STT3B: variants seen among roughly 807,000 people sequenced by gnomAD.
STT3B encodes the protein dolichyl-diphosphooligosaccharide--protein glycosyltransferase subunit STT3B.
STT3B carries 29 observed loss-of-function variants against 96.8 expected under a neutral mutation model. The observed-to-expected ratio is 0.30, with a 90% CI of 0.22 to 0.41. The LOEUF (loss-of-function observed/expected upper bound fraction) is 0.41, where lower values mean the gene tolerates loss of function less well. Ranked by LOEUF, STT3B falls within the 10% of genes least tolerant of loss-of-function variation. The pLI, the probability that STT3B is intolerant of heterozygous loss-of-function variation, is 1.00. For synonymous variants in STT3B, 367 were observed against 360.0 expected, an observed-to-expected ratio of 1.02 and a Z score of -0.22; for missense variants, 640 against 1,022.3, an observed-to-expected ratio of 0.63 and a Z score of 5.10.
chr3:31,557,665 C>T (rs1392796278), intron 1 of STT3B, among the ~76,000 whole-genome samples: 1 of 152,040 alleles, frequency 6.6e-6, no homozygotes, highest in African/African-American at 2.4e-5. Context: ...CGGAGTCTTG[C>T]TCTGTTGCCC....
chr3:31,549,223 G>A (rs1231648354), intron 1 of STT3B, among the ~76,000 whole-genome samples: 1 of 151,668 alleles, frequency 6.6e-6, no homozygotes, highest in Non-Finnish European at 1.5e-5. Flanking sequence ...TTGAATTACT[G>A]CATTAGGAAC....
intron 1 of STT3B, among the ~76,000 whole-genome samples, chr3:31,543,135 A>C (rs941232824): frequency 6.6e-6 from 1 of 151,760 alleles, no homozygotes; most frequent in Non-Finnish European, 1.5e-5. Context: ...ACAATTGATC[A>C]TCTGTGTCTT....
intron 1 of STT3B, among the ~76,000 whole-genome samples, chr3:31,555,889 C>T (rs191707762): frequency 2.4e-4 from 37 of 152,192 alleles, no homozygotes; most frequent in South Asian, 1.9e-3. Flanking sequence ...ATTATTTCTA[C>T]GTGTTGGGAA....
At chr3:31,548,329 A>C (rs1446508958) in intron 1 of STT3B, among the ~76,000 whole-genome samples, 1 of 151,140 alleles carries the variant, frequency 6.6e-6, no homozygotes, top group Non-Finnish European at 1.5e-5. Context: ...AGCCATTTAA[A>C]ACAGGGAAAA....
At chr3:31,573,153 A>G (rs1698196857) in intron 1 of STT3B, among the ~76,000 whole-genome samples, 1 of 152,132 alleles carries the variant, frequency 6.6e-6, no homozygotes, top group Admixed American at 6.6e-5. Flanking sequence ...GATGGAAAGA[A>G]GAGAGGTAAT....
At chr3:31,573,851 A>T (rs1158616446) in intron 1 of STT3B, among the ~76,000 whole-genome samples, 1 of 152,174 alleles carries the variant, frequency 6.6e-6, no homozygotes, top group Non-Finnish European at 1.5e-5. Context: ...AGAGTGAATT[A>T]ATAAGAGTAT....
chr3:31,632,452 CAAT>C (rs1360797025), intron 14 of STT3B, among the ~76,000 whole-genome samples: 1 of 152,046 alleles, frequency 6.6e-6, no homozygotes, highest in Non-Finnish European at 1.5e-5. Context: ...TATGAGGAAA[CAAT>C]AAAGGAGATT....
At chr3:31,604,655 A>T (rs1015942383) in intron 5 of STT3B, among the ~76,000 whole-genome samples, 1 of 152,230 alleles carries the variant, frequency 6.6e-6, no homozygotes, top group Non-Finnish European at 1.5e-5. Flanking sequence ...AGTGTAATCA[A>T]TTTAATAGCA....
chr3:31,558,845 A>G (rs1575413286), intron 1 of STT3B, among the ~76,000 whole-genome samples: 1 of 146,278 alleles, frequency 6.8e-6, no homozygotes. Flanking sequence ...ATCATTACTC[A>G]TTTATTGGTC....
chr3:31,554,370 G>C (rs1047197265), intron 1 of STT3B, among the ~76,000 whole-genome samples: 1 of 152,112 alleles, frequency 6.6e-6, no homozygotes, highest in African/African-American at 2.4e-5. Context: ...AAAAGAACCA[G>C]GTGGTTACAT....
chr3:31,621,603 A>T (rs566214422), intron 9 of STT3B, among the ~76,000 whole-genome samples: 13 of 152,220 alleles, frequency 8.5e-5, no homozygotes, highest in South Asian at 6.2e-4. Flanking sequence ...TGTTTCAAAA[A>T]TTTTTTTTAA....
chr3:31,561,436 C>T lies in STT3B; in HGVS notation c.315-14960C>T, dbSNP rs1697874341. Among the ~76,000 whole-genome samples, 3 of 152,060 alleles carry T rather than the reference C, an allele frequency of 2.0e-5. No homozygotes were observed. In the South Asian group the frequency reaches 6.2e-4, roughly 32 times the overall value. ...ATTTAAGTTACAAACAATCCAATTACATTCTTTTTTTTAAAATATACAGTT... is the reference window on the plus strand; with the variant it reads ...ATTTAAGTTACAAACAATCCAATTATATTCTTTTTTTTAAAATATACAGTT... On this transcript the variant is annotated intron_variant, in intron 1 of 15. Transcript: ENST00000295770.
At chr3:31,613,614 T>C (rs1699233851) in intron 5 of STT3B, among the ~76,000 whole-genome samples, 1 of 152,022 alleles carries the variant, frequency 6.6e-6, no homozygotes, top group Non-Finnish European at 1.5e-5. Context: ...TAAGATTACA[T>C]AGTGATCTTC....
At chr3:31,601,162 T>C (rs1378770653) in intron 5 of STT3B, among the ~76,000 whole-genome samples, 1 of 152,206 alleles carries the variant, frequency 6.6e-6, no homozygotes, top group Non-Finnish European at 1.5e-5. Flanking sequence ...AAGTTAACCA[T>C]AGATTCGTCA....
At chr3:31,578,689 C>G (rs1698311956) in intron 2 of STT3B, among the ~76,000 whole-genome samples, 1 of 151,954 alleles carries the variant, frequency 6.6e-6, no homozygotes, top group African/African-American at 2.4e-5. Context: ...TCCCCCTCCC[C>G]CTTTCTCCTT....
intron 1 of STT3B, among the ~76,000 whole-genome samples, chr3:31,558,123 A>G (rs1697768748): frequency 6.6e-6 from 1 of 152,238 alleles, no homozygotes; most frequent in Non-Finnish European, 1.5e-5. Flanking sequence ...GGTGATATGC[A>G]AAGTGGGACA....
Position 31,636,288 on chromosome 3 carries a change from T to C in STT3B, c.*224T>C. ...AAGCAAGACAGAGCACTGCTGTAAATGTCTAGCAGCAGATTTTTTTTTTAT... is the reference window on the plus strand; with the variant it reads ...AAGCAAGACAGAGCACTGCTGTAAACGTCTAGCAGCAGATTTTTTTTTTAT... On this transcript the variant is annotated 3_prime_UTR_variant, in exon 16 of 16. Coordinates refer to ENST00000295770, the MANE Select transcript of STT3B (RefSeq NM_178862.3). 1 of 375,266 alleles carries C rather than the reference T, an allele frequency of 2.7e-6. No homozygotes were observed. Among genetic ancestry groups the C allele is most frequent in the Non-Finnish European group, 4.9e-6 (1 of 204,340 alleles). 23.2% of individuals were successfully genotyped at this position (375,266 alleles called of 1,614,324 possible).
chr3:31,543,067 CAAA>C (rs10696158), intron 1 of STT3B, among the ~76,000 whole-genome samples: 5 of 109,406 alleles, frequency 4.6e-5, no homozygotes, highest in Admixed American at 1.0e-4. Context: ...CTCCATCTCA[CAAA>C]AAAAAAAAAA....
chr3:31,596,979 T>G, intron 4 of STT3B, 116 bp downstream of exon 4: 2 of 758,160 alleles, frequency 2.6e-6, no homozygotes, highest in East Asian at 2.6e-5. Flanking sequence ...CTTTCATTAC[T>G]ACCATCCTCT....
Sources: gnomAD v4.1 joint callset for allele counts (sites outside exome capture counted in the v4.1 genomes callset) on GRCh38, gnomAD v4.1.1 for gene constraint, MANE v1.5 for transcripts, NCBI Gene and HGNC (gene_info 2026-07-23, HGNC 2026-07-21) for gene names.